The following LETM1 variants were observed in gnomAD, a reference collection of about 807,000 sequenced individuals.
The protein encoded by LETM1 is leucine zipper and EF-hand containing transmembrane protein 1, also known as mitochondrial proton/calcium exchanger protein.
A neutral mutation model predicts 74.5 loss-of-function variants in LETM1; 50 were observed. That is an observed-to-expected ratio of 0.67 (90% CI 0.53 to 0.85). The LOEUF (loss-of-function observed/expected upper bound fraction) is 0.85, where lower values mean the gene tolerates loss of function less well. LETM1 is among the 40% of genes least tolerant of loss of function. LETM1 has a pLI of 0.00. For synonymous variants in LETM1, 446 were observed against 407.1 expected, an observed-to-expected ratio of 1.10 and a Z score of -1.15; for missense variants, 824 against 967.8, an observed-to-expected ratio of 0.85 and a Z score of 1.97.
At chr4:1,820,054 A>G (rs531425333) in intron 10 of LETM1, among the ~76,000 whole-genome samples, 1 of 152,148 alleles carries the variant, frequency 6.6e-6, no homozygotes, top group Non-Finnish European at 1.5e-5. Context: ...CTCCTGCCTC[A>G]GCCTCCCCAG....
intron 13 of LETM1, 59 bp downstream of exon 13, chr4:1,815,605 G>A: frequency 6.3e-7 from 1 of 1,594,870 alleles, no homozygotes; most frequent in African/African-American, 1.3e-5. Context: ...CAGTCCCCCT[G>A]CCCCACCCCA....
At chr4:1,835,223 T>C (rs1712421423) in intron 4 of LETM1, among the ~76,000 whole-genome samples, 1 of 152,132 alleles carries the variant, frequency 6.6e-6, no homozygotes, top group Non-Finnish European at 1.5e-5. Context: ...GGTGGGTGGA[T>C]CACCTGAGGT....
At position 1,834,421 on chromosome 4, in the gene LETM1, C is replaced by T. The variant is rs1712392123; in HGVS notation, c.876+424G>A. ...AGGGCCGCTCCTCCTCTCCAGCCCC[C>T]ACTGCTCCCACAGTCCAGGCCTCTG... On this transcript the variant is annotated intron_variant, in intron 5 of 13. Transcript: ENST00000302787. The surrounding 1 kb of genome is among the most constrained non-coding windows in gnomAD (Gnocchi z 5.0). The T allele has an allele frequency of 6.0e-6, 6 of 997,948 alleles. No homozygotes were observed. Among genetic ancestry groups the T allele is most frequent in the Admixed American group, 1.2e-4 (2 of 17,154 alleles). The allele number at this position is 997,948 out of a possible 1,614,324, so 61.8% of individuals were successfully genotyped here. A position where few individuals can be genotyped will look rare whatever the true frequency, so the allele number is the denominator to read the frequency against.
chr4:1,824,847 A>G (rs1711927365), intron 7 of LETM1, among the ~76,000 whole-genome samples: 1 of 152,258 alleles, frequency 6.6e-6, no homozygotes, highest in South Asian at 2.1e-4. Context: ...AATCCGATGG[A>G]AGACGCGGCT....
rs910996888 is a variant in LETM1 at position 1,836,139 on chromosome 4, G to A, written c.738+290C>T. On this transcript the variant is annotated intron_variant, in intron 4 of 13. Transcript: ENST00000302787. The surrounding 1 kb of genome is among the most constrained non-coding windows in gnomAD (Gnocchi z 5.8). ...TGAGGCAGGAGATTCGCTTGAACCC[G>A]GGAGGCAGAGGTTGTATGCAGTGAG... Among the ~76,000 whole-genome samples, 2 of 151,806 alleles carry A rather than the reference G, an allele frequency of 1.3e-5. No homozygotes were observed. Among genetic ancestry groups the A allele is most frequent in the Admixed American group, 6.6e-5 (1 of 15,232 alleles).
intron 12 of LETM1, 66 bp downstream of exon 12, chr4:1,816,661 C>G (rs1577308328): frequency 6.7e-7 from 1 of 1,501,878 alleles, no homozygotes; most frequent in East Asian, 2.3e-5. Context: ...AGCTCGGATC[C>G]AGCAAAGGGA....
chr4:1,823,954 A>G (rs1440329020), intron 7 of LETM1, among the ~76,000 whole-genome samples, 179 bp from the exon 8 acceptor site: 1 of 152,178 alleles, frequency 6.6e-6, no homozygotes, highest in Non-Finnish European at 1.5e-5. Context: ...AAAACACCAG[A>G]GAGGCTTGGG....
At chr4:1,828,498 A>G (rs867665557) in intron 6 of LETM1, among the ~76,000 whole-genome samples, 10 of 44,036 alleles carry the variant, frequency 2.3e-4, no homozygotes, top group Non-Finnish European at 2.6e-4. Context: ...CTGGCCGGGC[A>G]GGGGGGCTGA....
chr4:1,841,081 G>A (rs1380479033), intron 3 of LETM1, among the ~76,000 whole-genome samples: 1 of 152,250 alleles, frequency 6.6e-6, no homozygotes, highest in African/African-American at 2.4e-5. Context: ...CCAGCACGGT[G>A]GCTCACACCT....
At position 1,836,439 on chromosome 4, in the gene LETM1, T is replaced by C. The variant is rs1301873686; in HGVS notation, c.728A>G (p.Gln243Arg). 1 of 1,613,942 alleles carries C rather than the reference T, an allele frequency of 6.2e-7. No homozygotes were observed. The highest frequency in any genetic ancestry group is 8.5e-7 in the Non-Finnish European group (1 of 1,179,934). ...GGATGCTGCCCTTACCTTGAGTGAC[T>C]GAGTCTCAAATGTGGATGGCAACAT... ...PNMLPSTFET[Q>R]SLKEERLKKE... Residue 243 changes from glutamine to arginine, a missense_variant, in exon 4 of 14, where the codon CAG becomes CGG. By Grantham distance (43) the Gln-to-Arg change is conservative. Around this residue, in one of 4 missense-constraint regions of LETM1, gnomAD observed 269 missense variants for 348.8 expected, o/e 0.77. Coordinates refer to ENST00000302787, the MANE Select transcript of LETM1 (RefSeq NM_012318.3). The surrounding 1 kb of genome is among the most constrained non-coding windows in gnomAD (Gnocchi z 5.8).
At chr4:1,818,132 T>G (rs1243715468) in intron 11 of LETM1, among the ~76,000 whole-genome samples, 1 of 151,624 alleles carries the variant, frequency 6.6e-6, no homozygotes, top group Non-Finnish European at 1.5e-5. Flanking sequence ...GTAAACACCA[T>G]GAGGAAGAAT....
At chr4:1,827,336 A>G (rs1577315263) in intron 6 of LETM1, among the ~76,000 whole-genome samples, 1 of 115,486 alleles carries the variant, frequency 8.7e-6, no homozygotes, top group African/African-American at 3.4e-5. Context: ...TTTCTCACAG[A>G]GGGGGATTTG....
chr4:1,828,982 C>T, intron 6 of LETM1, among the ~76,000 whole-genome samples: 1 of 94,680 alleles, frequency 1.1e-5, no homozygotes, highest in Middle Eastern at 0.011. Context: ...GCTGGCCGGG[C>T]AGGGGGGCTG....
At chr4:1,821,642 G>A (rs1450797546) in intron 10 of LETM1, among the ~76,000 whole-genome samples, 1 of 152,186 alleles carries the variant, frequency 6.6e-6, no homozygotes, top group Non-Finnish European at 1.5e-5. Flanking sequence ...GAGCCGAGAT[G>A]GCGCCACTGC....
At chr4:1,823,339 T>C (rs1198889376) in intron 8 of LETM1, among the ~76,000 whole-genome samples, 2 of 149,872 alleles carry the variant, frequency 1.3e-5, no homozygotes, top group East Asian at 4.0e-4. Context: ...TCCTGACATG[T>C]GGGAAGGAGC....
chr4:1,828,913 T>A (rs1577316699), intron 6 of LETM1, among the ~76,000 whole-genome samples: 1 of 95,816 alleles, frequency 1.0e-5, no homozygotes, highest in Non-Finnish European at 2.0e-5. Context: ...GCAGAGGGGC[T>A]CCTCACTTCC....
At chr4:1,855,420 C>T (rs1447361679) in intron 1 of LETM1, among the ~76,000 whole-genome samples, 1 of 152,200 alleles carries the variant, frequency 6.6e-6, no homozygotes, top group African/African-American at 2.4e-5. Context: ...GGCATCACCT[C>T]ATCAGTGACG....
At chr4:1,852,173 T>C (rs1215521425) in intron 1 of LETM1, among the ~76,000 whole-genome samples, 1 of 152,230 alleles carries the variant, frequency 6.6e-6, no homozygotes, top group Non-Finnish European at 1.5e-5. Flanking sequence ...CCCCACTCCA[T>C]GTGCCCAGGC....
chr4:1,812,481 G>C lies in LETM1; in HGVS notation c.*1943C>G, dbSNP rs1722497853. 6.6e-6 allele frequency: 1 copy of C among 151,584 alleles called. No individual in the cohort carries two copies. 9.4% of individuals were successfully genotyped at this position (151,584 alleles called of 1,614,324 possible). A position where few individuals can be genotyped will look rare whatever the true frequency, so the allele number is the denominator to read the frequency against. ...ACCAGGCGCAGATATCCTAGCTCCT[G>C]AAAAAGGCCAAGACCGAGGGTCTGG... On this transcript the variant is annotated 3_prime_UTR_variant, in exon 14 of 14. Transcript: ENST00000302787.
Sources: gnomAD v4.1 joint callset for allele counts (sites outside exome capture counted in the v4.1 genomes callset) on GRCh38, gnomAD v4.1.1 for gene constraint, gnomAD v4.1.1 regional missense constraint, Gnocchi (gnomAD v3.1) non-coding constraint, MANE v1.5 for transcripts, NCBI Gene and HGNC (gene_info 2026-07-23, HGNC 2026-07-21) for gene names.